The following DNLZ variants were observed in gnomAD, a reference collection of about 807,000 sequenced individuals.
DNLZ encodes the protein DNL-type zinc finger protein.
In DNLZ, 15 loss-of-function variants were observed where a neutral mutation model predicts 7.8. The ratio of observed to expected loss-of-function variants is 1.91; its 90% CI spans 1.28 to 2.95. DNLZ has a LOEUF of 2.95. Among genes scored for constraint, DNLZ ranks in the 30% most tolerant of loss-of-function variants. The pLI is 0.00. For missense variants in DNLZ, 255 were observed against 167.3 expected (o/e 1.52, Z -2.89); for synonymous variants, 123 against 77.8 (o/e 1.58, Z -3.05).
At chr9:136,362,335 G>A (rs2131426057) in intron 2 of DNLZ, among the ~76,000 whole-genome samples, 155 bp from the exon 3 acceptor site, 1 of 152,326 alleles carries the variant, frequency 6.6e-6, no homozygotes, top group Admixed American at 6.5e-5. Flanking sequence ...ACGCTGGCCT[G>A]TGTGCCCTCA....
In DNLZ at chr9:136,363,488, T is replaced by C. The variant is rs755821652; in HGVS notation, c.227A>G (p.Lys76Arg). 6.0e-5 allele frequency: 46 copies of C among 761,056 alleles called. No homozygotes were observed. The highest frequency in any genetic ancestry group is 3.1e-4 in the South Asian group (23 of 74,352). 47.1% of individuals were successfully genotyped at this position (761,056 alleles called of 1,614,324 possible). ...AAHYQLVYTC[K>R]VCGTRSSKRI... ...GGTTCCGTCCCGCCGCGCGCCTACC[T>C]TGCAGGTGTAGACGAGCTGGTAGTG... The change falls in exon 1 of 3, where the codon AAG becomes AGG. Residue 76 changes from lysine (K) to arginine (R), a missense_variant and splice_region_variant. Physicochemically the swap from Lys to Arg is conservative, Grantham distance 26. Coordinates refer to ENST00000371738, the MANE Select transcript of DNLZ (RefSeq NM_001080849.3).
rs1014841535 is a variant in DNLZ at position 136,359,669 on chromosome 9, T to A, written c.*2343A>T. 1 of 152,284 alleles carries A rather than the reference T, an allele frequency of 6.6e-6. No individual in the cohort carries two copies. Among genetic ancestry groups the A allele is most frequent in the Admixed American group, 6.5e-5 (1 of 15,282 alleles). The allele number at this position is 152,284 out of a possible 1,614,324, so 9.4% of individuals were successfully genotyped here. On this transcript the variant is annotated 3_prime_UTR_variant, in exon 3 of 3. Coordinates refer to ENST00000371738, the MANE Select transcript of DNLZ (RefSeq NM_001080849.3). ...GTAAGAGGCTGCACTGTGCAAAGTG[T>A]CCACAGATACCCACTGTCTGGGCCC...
Position 136,361,168 on chromosome 9 carries a change from C to T in DNLZ, c.*844G>A, listed in dbSNP as rs1243866352. ...TGAGCTGGCAGTCCTGGCCGTGTCC[C>T]GCTGGGAGGGGCCGCACTGGGTCCC... On this transcript the variant is annotated 3_prime_UTR_variant, in exon 3 of 3. Transcript: ENST00000371738. 3.3e-5 allele frequency: 5 copies of T among 152,258 alleles called. No homozygotes were observed. Among genetic ancestry groups the T allele is most frequent in the African/African-American group, 9.6e-5 (4 of 41,460 alleles). The allele number at this position is 152,258 out of a possible 1,614,324, so 9.4% of individuals were successfully genotyped here. A position where few individuals can be genotyped will look rare whatever the true frequency, so the allele number is the denominator to read the frequency against.
chr9:136,363,491 C>G lies in DNLZ; in HGVS notation c.224G>C (p.Cys75Ser). 1.3e-6 allele frequency: 1 copy of G among 761,066 alleles called. No individual in the cohort carries two copies. The highest frequency in any genetic ancestry group is 2.4e-6 in the Non-Finnish European group (1 of 416,422). 47.1% of individuals were successfully genotyped at this position (761,066 alleles called of 1,614,324 possible). The part of the protein sequence containing the change: ...EAAHYQLVYT[C>S]KVCGTRSSKR... ...TCCGTCCCGCCGCGCGCCTACCTTG[C>G]AGGTGTAGACGAGCTGGTAGTGCGC... Residue 75 changes from cysteine (C) to serine (S), a missense_variant, in exon 1 of 3, where the codon TGC becomes TCC. By Grantham distance (112) the Cys-to-Ser change is moderately radical (BLOSUM62 -1). Transcript: ENST00000371738.
At position 136,363,134 on chromosome 9, in the gene DNLZ, T is replaced by C; in HGVS notation, c.229-6A>G. On this transcript the variant is annotated splice_region_variant and splice_polypyrimidine_tract_variant and intron_variant, in intron 1 of 2. Coordinates refer to ENST00000371738, the MANE Select transcript of DNLZ (RefSeq NM_001080849.3). Reference sequence around the variant, plus strand: ...GAGGACCTAGTCCCGCAGACCTGGCTGGGACAGGGTAGCTGGTGAGGCTGT... The same window carrying C: ...GAGGACCTAGTCCCGCAGACCTGGCCGGGACAGGGTAGCTGGTGAGGCTGT... 1 of 1,612,856 alleles carries C rather than the reference T, an allele frequency of 6.2e-7. No individual in the cohort carries two copies.
chr9:136,363,323 C>T (rs979134021), intron 1 of DNLZ, 164 bp downstream of exon 1: 1 of 684,406 alleles, frequency 1.5e-6, no homozygotes, highest in African/African-American at 1.7e-5. Flanking sequence ...CACCCCTCCT[C>T]ATGGTCCGCC....
rs1215949838 is a variant in DNLZ, at chr9:136,362,189, C to T, written c.369-9G>A. On this transcript the variant is annotated splice_polypyrimidine_tract_variant and intron_variant, in intron 2 of 2. Transcript: ENST00000371738. ...GGATCTCTTCGATATTTCTGGGGGG[C>T]AGGGAGGCAACATGGCTCTTCAGGG... The T allele has an allele frequency of 4.7e-6, 7 of 1,479,220 alleles. No individual in the cohort carries two copies. Among genetic ancestry groups the T allele is most frequent in the Admixed American group, 2.7e-5 (1 of 36,532 alleles). The allele number at this position is 1,479,220 out of a possible 1,614,324, so 91.6% of individuals were successfully genotyped here.
In DNLZ at chr9:136,361,496, G is replaced by C. The variant is rs1042874387; in HGVS notation, c.*516C>G. The C allele has an allele frequency of 6.6e-6, 1 of 152,576 alleles. No individual in the cohort carries two copies. The highest frequency in any genetic ancestry group is 1.5e-5 in the Non-Finnish European group (1 of 68,314). 9.5% of individuals were successfully genotyped at this position (152,576 alleles called of 1,614,324 possible). A position where few individuals can be genotyped will look rare whatever the true frequency, so the allele number is the denominator to read the frequency against. Reference sequence around the variant, plus strand: ...CCTAACACACGGCCACGCCATAGCTGCTCGTCCTGCCTGGGCCAGCAGGCA... The same window carrying C: ...CCTAACACACGGCCACGCCATAGCTCCTCGTCCTGCCTGGGCCAGCAGGCA... On this transcript the variant is annotated 3_prime_UTR_variant, in exon 3 of 3. Coordinates refer to ENST00000371738, the MANE Select transcript of DNLZ (RefSeq NM_001080849.3).
rs371284160 is a variant in DNLZ at position 136,363,108 on chromosome 9, G to A, written c.249C>T (p.Ser83=). 132 of 1,613,358 alleles carry A rather than the reference G, an allele frequency of 8.2e-5. No individual in the cohort carries two copies. Among genetic ancestry groups the A allele is most frequent in the Non-Finnish European group, 1.1e-4 (129 of 1,180,000 alleles). The part of the protein sequence containing the change: ...YTCKVCGTRS[S]KRISKLAYHQ... ...GATAGGCCAGCTTGGAGATGCGCTTGGAGGACCTAGTCCCGCAGACCTGGC... is the reference window on the plus strand; with the variant it reads ...GATAGGCCAGCTTGGAGATGCGCTTAGAGGACCTAGTCCCGCAGACCTGGC... The change falls in exon 2 of 3, where the codon TCC becomes TCT. Residue 83 remains serine, a synonymous_variant. Coordinates refer to ENST00000371738, the MANE Select transcript of DNLZ (RefSeq NM_001080849.3).
rs1172837894 is a variant in DNLZ, at chr9:136,363,711, G to A, written c.4C>T (p.Leu2=). ...GGCGCGCCGCGCAGCGCAGTCCGCA[G>A]CATCCCGCTCGCCGGCTCCGTCCGC... M[L]RTALRGAPRL... Residue 2 remains leucine (L), a synonymous_variant, in exon 1 of 3, where the codon CTG becomes TTG. Coordinates refer to ENST00000371738, the MANE Select transcript of DNLZ (RefSeq NM_001080849.3). 2.1e-6 allele frequency: 1 copy of A among 469,674 alleles called. No homozygotes were observed. Among genetic ancestry groups the A allele is most frequent in the Non-Finnish European group, 3.7e-6 (1 of 268,386 alleles). 29.1% of individuals were successfully genotyped at this position (469,674 alleles called of 1,614,324 possible).
chr9:136,361,943 C>T lies in DNLZ; in HGVS notation c.*69G>A. On this transcript the variant is annotated 3_prime_UTR_variant, in exon 3 of 3. Transcript: ENST00000371738. ...TTTATTGATAGAAAACAGGCCACGT[C>T]CAGAGAGGCCCAGGGCCAAAACCTC... 2.6e-6 allele frequency: 3 copies of T among 1,157,580 alleles called. No homozygotes were observed. The highest frequency in any genetic ancestry group is 1.1e-6 in the Non-Finnish European group (1 of 909,678). 71.7% of individuals were successfully genotyped at this position (1,157,580 alleles called of 1,614,324 possible).
chr9:136,363,216 C>T (rs2131427573), intron 1 of DNLZ, 88 bp from the exon 2 acceptor site: 4 of 1,512,154 alleles, frequency 2.6e-6, no homozygotes, highest in Admixed American at 1.7e-5. Flanking sequence ...GCTCCAGCCA[C>T]CTCACCCTCT....
Position 136,363,632 on chromosome 9 carries a change from C to T in DNLZ, c.83G>A (p.Gly28Asp), listed in dbSNP as rs991838959. Residue 28 changes from glycine to aspartate, a missense_variant, in exon 1 of 3, where the codon GGC becomes GAC. Transcript: ENST00000371738. ...CGCGACCTCTGGACGGGCCCCGCGG[C>T]CCCACAGCCGCCTCAGGCAGGGCGC... is the stretch of plus-strand genomic sequence containing the variant. ...PRAPCLRRLW[G>D]RGARPEVAGR... is the part of the protein sequence containing the mutation. The T allele has an allele frequency of 1.3e-5, 6 of 450,410 alleles. No homozygotes were observed. Among genetic ancestry groups the T allele is most frequent in the Non-Finnish European group, 2.3e-5 (6 of 258,670 alleles). 27.9% of individuals were successfully genotyped at this position (450,410 alleles called of 1,614,324 possible).
rs1554774484 is a variant in DNLZ, at chr9:136,363,739, T to TGCCCCGGCCCTGCCCCGGCCCC, written c.-26_-25insGGGGCCGGGGCAGGGCCGGGGC. 91 of 481,206 alleles carry TGCCCCGGCCCTGCCCCGGCCCC rather than the reference T, an allele frequency of 1.9e-4. No individual in the cohort carries two copies. The highest frequency in any genetic ancestry group is 2.8e-4 in the African/African-American group (12 of 42,206). 29.8% of individuals were successfully genotyped at this position (481,206 alleles called of 1,614,324 possible). On this transcript the variant is annotated 5_prime_UTR_variant, in exon 1 of 3. Coordinates refer to ENST00000371738, the MANE Select transcript of DNLZ (RefSeq NM_001080849.3). ...TCCCGCTCGCCGGCTCCGTCCGCCC[T>TGCCCCGGCCCTGCCCCGGCCCC]GCCCCGGCCCCGCCCCGCCGCCATC...
chr9:136,361,998 G>A lies in DNLZ; in HGVS notation c.*14C>T, dbSNP rs186862046. 169 of 1,288,108 alleles carry A rather than the reference G, an allele frequency of 1.3e-4. No individual in the cohort carries two copies. The highest frequency in any genetic ancestry group is 1.2e-3 in the East Asian group (41 of 33,640). The allele number at this position is 1,288,108 out of a possible 1,614,324, so 79.8% of individuals were successfully genotyped here. On this transcript the variant is annotated 3_prime_UTR_variant, in exon 3 of 3. Coordinates refer to ENST00000371738, the MANE Select transcript of DNLZ (RefSeq NM_001080849.3). ...TGGAAGGCCGAAGTCCCACAGTGCC[G>A]GGGAGCGCAGGAGTCAGCTCGGCTC...
chr9:136,361,801 GGTC>G lies in DNLZ; in HGVS notation c.*208_*210del. On this transcript the variant is annotated 3_prime_UTR_variant, in exon 3 of 3. Coordinates refer to ENST00000371738, the MANE Select transcript of DNLZ (RefSeq NM_001080849.3). ...TAGAAGGAACTGTGGTGAGGCGAGA[GGTC>G]CTGCGGCTCCTATGTCCCACCCAGC... The G allele has an allele frequency of 2.5e-6, 1 of 401,962 alleles. No individual in the cohort carries two copies. The highest frequency in any genetic ancestry group is 4.3e-6 in the Non-Finnish European group (1 of 230,260). 24.9% of individuals were successfully genotyped at this position (401,962 alleles called of 1,614,324 possible). A position where few individuals can be genotyped will look rare whatever the true frequency, so the allele number is the denominator to read the frequency against.
rs1216752488 is a variant in DNLZ, at chr9:136,361,310, G to A, written c.*702C>T. On this transcript the variant is annotated 3_prime_UTR_variant, in exon 3 of 3. Coordinates refer to ENST00000371738, the MANE Select transcript of DNLZ (RefSeq NM_001080849.3). ...CCCAGAACGCTTCTGCAAATAAACA[G>A]GCTGCTGTGTTTGCTCGCTTTCATA... 3 of 152,254 alleles carry A rather than the reference G, an allele frequency of 2.0e-5. No individual in the cohort carries two copies. Among genetic ancestry groups the A allele is most frequent in the Admixed American group, 1.3e-4 (2 of 15,284 alleles). The allele number at this position is 152,254 out of a possible 1,614,324, so 9.4% of individuals were successfully genotyped here. A position where few individuals can be genotyped will look rare whatever the true frequency, so the allele number is the denominator to read the frequency against.
chr9:136,362,283 G>C, intron 2 of DNLZ, 103 bp from the exon 3 acceptor site: 1 of 1,058,848 alleles, frequency 9.4e-7, no homozygotes, highest in Non-Finnish European at 1.3e-6. Context: ...GCAAGCACCA[G>C]GCCCAGCACT....
chr9:136,361,029 G>A lies in DNLZ; in HGVS notation c.*983C>T, dbSNP rs1322971890. ...AAATGGCACAGAAGGCTCTGGGTGGGAATAATAGAGGGTTGTTGGCTGAAA... is the reference window on the plus strand; with the variant it reads ...AAATGGCACAGAAGGCTCTGGGTGGAAATAATAGAGGGTTGTTGGCTGAAA... On this transcript the variant is annotated 3_prime_UTR_variant, in exon 3 of 3. Transcript: ENST00000371738. 3 of 152,268 alleles carry A rather than the reference G, an allele frequency of 2.0e-5. No homozygotes were observed. In the South Asian group the frequency reaches 6.2e-4, roughly 32 times the overall value. 9.4% of individuals were successfully genotyped at this position (152,268 alleles called of 1,614,324 possible). A position where few individuals can be genotyped will look rare whatever the true frequency, so the allele number is the denominator to read the frequency against.
Sources: allele counts gnomAD v4.1 joint callset (sites outside exome capture counted in the v4.1 genomes callset), GRCh38; gene constraint gnomAD v4.1.1; transcripts MANE v1.5; gene names NCBI Gene and HGNC (gene_info 2026-07-23, HGNC 2026-07-21).